The following ASB3 variants were observed in gnomAD, a reference collection of about 807,000 sequenced individuals.
ASB3 encodes the protein ankyrin repeat and SOCS box protein 3.
ASB3 carries 41 observed loss-of-function variants against 54.5 expected under a neutral mutation model. The ratio of observed to expected loss-of-function variants is 0.75; its 90% CI spans 0.59 to 0.98. The LOEUF is 0.98. Among genes scored for constraint, ASB3 ranks in the 50% least tolerant of loss-of-function variants. The probability of loss-of-function intolerance (pLI) is 0.00; values close to 1 mark genes in which losing one functional copy is unlikely to be tolerated. For missense variants in ASB3, 733 were observed against 620.0 expected (o/e 1.18, Z -1.94); for synonymous variants, 266 against 221.2 (o/e 1.20, Z -1.80).
chr2:53,692,680 T>C (rs1367292716), intron 9 of ASB3, among the ~76,000 whole-genome samples: 2 of 152,180 alleles, frequency 1.3e-5, no homozygotes, highest in Non-Finnish European at 1.5e-5. Flanking sequence ...TCCTTACTAA[T>C]CGATATGTAG....
intron 2 of ASB3, among the ~76,000 whole-genome samples, chr2:53,755,924 GGA>G (rs1672789284): frequency 6.6e-6 from 1 of 152,038 alleles, no homozygotes; most frequent in East Asian, 1.9e-4. Context: ...GGCCAAGGAA[GGA>G]GTATCACTTG....
At chr2:53,751,364 T>C (rs1201115803) in intron 2 of ASB3, among the ~76,000 whole-genome samples, 3 of 152,212 alleles carry the variant, frequency 2.0e-5, no homozygotes, top group Non-Finnish European at 1.5e-5. Context: ...CATTACTTCC[T>C]TGTAGTCAAC....
intron 1 of ASB3, chr2:53,775,024 AG>A (rs1417278370): frequency 6.5e-6 from 1 of 152,718 alleles, no homozygotes; most frequent in Non-Finnish European, 1.5e-5. Flanking sequence ...TTGTTATTCA[AG>A]TATTAAATGA....
chr2:53,765,649 A>G (rs1673400037), intron 1 of ASB3, 64 bp from the exon 2 acceptor site: 2 of 1,591,856 alleles, frequency 1.3e-6, no homozygotes, highest in African/African-American at 1.3e-5. Flanking sequence ...CCTAGAGGTC[A>G]GCAAATCACG....
At chr2:53,731,325 C>G (rs529537711) in intron 3 of ASB3, among the ~76,000 whole-genome samples, 1 of 152,244 alleles carries the variant, frequency 6.6e-6, no homozygotes, top group Non-Finnish European at 1.5e-5. Context: ...TCGCTTAAAC[C>G]TGGGAGGTGG....
intron 9 of ASB3, among the ~76,000 whole-genome samples, chr2:53,681,710 T>C (rs2103667697): frequency 6.6e-6 from 1 of 152,282 alleles, no homozygotes; most frequent in East Asian, 1.9e-4. Context: ...TCTGTTTCAT[T>C]GGTCTATGTG....
chr2:53,732,577 G>C (rs982416197), intron 3 of ASB3, among the ~76,000 whole-genome samples: 9 of 152,052 alleles, frequency 5.9e-5, no homozygotes, highest in African/African-American at 2.2e-4. Context: ...AATGTGTTTT[G>C]ATTATTAAAT....
intron 1 of ASB3, among the ~76,000 whole-genome samples, chr2:53,782,909 C>A (rs948823400): frequency 9.9e-5 from 15 of 152,028 alleles, no homozygotes; most frequent in African/African-American, 3.4e-4. Flanking sequence ...GCCCCAGCCT[C>A]TTGAGTAGCT....
chr2:53,708,349 A>C (rs1037619337), intron 7 of ASB3, among the ~76,000 whole-genome samples: 1 of 152,238 alleles, frequency 6.6e-6, no homozygotes, highest in Non-Finnish European at 1.5e-5. Flanking sequence ...AAAGCTGAGC[A>C]GACACCAACA....
intron 9 of ASB3, among the ~76,000 whole-genome samples, chr2:53,677,792 A>G (rs1206357343): frequency 6.6e-6 from 1 of 152,168 alleles, no homozygotes; most frequent in Non-Finnish European, 1.5e-5. Context: ...GTTTGCCCTC[A>G]TGTTCCGAAT....
intron 9 of ASB3, among the ~76,000 whole-genome samples, chr2:53,677,308 T>A (rs534448969): frequency 6.6e-6 from 1 of 152,182 alleles, no homozygotes; most frequent in Non-Finnish European, 1.5e-5. Flanking sequence ...TCAGACTGTA[T>A]CCCCGTTGTT....
At chr2:53,716,832 T>G in intron 5 of ASB3, 89 bp from the exon 6 acceptor site, 4 of 1,391,386 alleles carry the variant, frequency 2.9e-6, no homozygotes, top group Non-Finnish European at 3.8e-6. Context: ...TAAAAGGGTT[T>G]CGTAGCACGG....
Position 53,750,876 on chromosome 2 carries a change from T to A in ASB3, c.262A>T (p.Ser88Cys). ...TGTACGATTTTCCAATGTCCTTGAC[T>A]TGCAGCGAGATGCAAAGCACAGAAA... ...EGFCALHLAA[S>C]QGHWKIVQIL... is the part of the protein sequence containing the mutation. The change falls in exon 3 of 10, where the codon AGT becomes TGT. Residue 88 changes from serine (S) to cysteine (C), a missense_variant. By Grantham distance (112) the Ser-to-Cys change is moderately radical. Coordinates refer to ENST00000263634, the MANE Select transcript of ASB3 (RefSeq NM_016115.5). The A allele has an allele frequency of 6.2e-7, 1 of 1,602,450 alleles. No individual in the cohort carries two copies. The highest frequency in any genetic ancestry group is 8.5e-7 in the Non-Finnish European group (1 of 1,174,244).
intron 3 of ASB3, among the ~76,000 whole-genome samples, chr2:53,740,206 G>A (rs1466231992): frequency 1.3e-5 from 2 of 152,034 alleles, no homozygotes; most frequent in African/African-American, 4.8e-5. Context: ...TCTCCATTAT[G>A]CATTTCATTT....
chr2:53,752,642 G>A (rs1035607542), intron 2 of ASB3, among the ~76,000 whole-genome samples: 11 of 152,262 alleles, frequency 7.2e-5, no homozygotes, highest in African/African-American at 2.7e-4. Context: ...GACCTGGGCA[G>A]CATTTGGCTG....
In ASB3 at chr2:53,714,392, G is replaced by A. The variant is rs745721554; in HGVS notation, c.972C>T (p.Phe324=). The change falls in exon 7 of 10, where the codon TTC becomes TTT. Residue 324 remains phenylalanine (F), a synonymous_variant. Coordinates refer to ENST00000263634, the MANE Select transcript of ASB3 (RefSeq NM_016115.5). ...ATAGCAAATATACATACTCCTTTTGGAAAGCCATGCACACAGGAGAACTGA... is the reference window on the plus strand; with the variant it reads ...ATAGCAAATATACATACTCCTTTTGAAAAGCCATGCACACAGGAGAACTGA... ...FGFSSPVCMA[F]QKDCEFFGIV... The A allele has an allele frequency of 6.2e-7, 1 of 1,614,050 alleles. No homozygotes were observed. The highest frequency in any genetic ancestry group is 8.5e-7 in the Non-Finnish European group (1 of 1,180,000).
At chr2:53,776,360 G>C (rs1173235715) in intron 1 of ASB3, among the ~76,000 whole-genome samples, 1 of 152,132 alleles carries the variant, frequency 6.6e-6, no homozygotes, top group Non-Finnish European at 1.5e-5. Context: ...CAGGCAATTA[G>C]ATGATAAATG....
At chr2:53,772,121 G>C (rs114226147) in intron 1 of ASB3, among the ~76,000 whole-genome samples, 2 of 152,220 alleles carry the variant, frequency 1.3e-5, no homozygotes, top group East Asian at 1.9e-4. Flanking sequence ...AGAAAAGTTA[G>C]AATGCAGAGT....
At chr2:53,780,028 T>A (rs1229678935) in intron 1 of ASB3, among the ~76,000 whole-genome samples, 1 of 152,242 alleles carries the variant, frequency 6.6e-6, no homozygotes, top group Non-Finnish European at 1.5e-5. Context: ...AAGAGCCTTA[T>A]CATACATCAA....
Sources: allele counts gnomAD v4.1 joint callset (sites outside exome capture counted in the v4.1 genomes callset), GRCh38; gene constraint gnomAD v4.1.1; transcripts MANE v1.5; gene names NCBI Gene and HGNC (gene_info 2026-07-23, HGNC 2026-07-21).